The following AIG1 variants were observed in gnomAD, a reference collection of about 807,000 sequenced individuals.
AIG1 encodes androgen induced 1.
AIG1 carries 23 observed loss-of-function variants against 31.4 expected under a neutral mutation model. The ratio of observed to expected loss-of-function variants is 0.73; its 90% confidence interval spans 0.53 to 1.04. The LOEUF (loss-of-function observed/expected upper bound fraction) is 1.04. Ranked by LOEUF, AIG1 falls within the 50% of genes least tolerant of loss-of-function variation. AIG1 has a pLI of 0.00. For synonymous variants in AIG1, 100 were observed against 110.5 expected (o/e 0.90, Z 0.60); for missense variants, 274 against 295.0 (o/e 0.93, Z 0.52).
chr6:143,236,272 C>T (rs1047791116), intron 3 of AIG1, among the ~76,000 whole-genome samples: 3 of 152,182 alleles, frequency 2.0e-5, no homozygotes, highest in African/African-American at 7.2e-5. Flanking sequence ...TGTGTCTGTC[C>T]GGCTCAGCCC....
At position 143,293,424 on chromosome 6, in the gene AIG1, C is replaced by T. The variant is rs886289855; in HGVS notation, c.515+9199C>T. On this transcript the variant is annotated intron_variant, in intron 4 of 5. Transcript: ENST00000357847. The surrounding 1 kb of genome is among the most constrained non-coding windows in gnomAD (Gnocchi z 4.8). Reference sequence around the variant, plus strand: ...ATTGCTTTCCCATTATTCCAATCTGCGTATTTTTACAAGCACTGTGCTGAG... The same window carrying T: ...ATTGCTTTCCCATTATTCCAATCTGTGTATTTTTACAAGCACTGTGCTGAG... 3.3e-5 allele frequency among the ~76,000 whole-genome samples: 5 copies of T among 152,118 alleles called. No individual in the cohort carries two copies. Among genetic ancestry groups the T allele is most frequent in the African/African-American group, 7.2e-5 (3 of 41,410 alleles).
intron 3 of AIG1, among the ~76,000 whole-genome samples, chr6:143,241,325 A>G (rs1794223888): frequency 6.6e-6 from 1 of 152,206 alleles, no homozygotes; most frequent in African/African-American, 2.4e-5. Context: ...AGACTGAACC[A>G]TTTTAGACTT....
At position 143,298,599 on chromosome 6, in the gene AIG1, C is replaced by T. The variant is rs1387636647; in HGVS notation, c.515+14374C>T. Among the ~76,000 whole-genome samples the T allele has an allele frequency of 6.6e-6, 1 of 152,058 alleles. No individual in the cohort carries two copies. The highest frequency in any genetic ancestry group is 2.4e-5 in the African/African-American group (1 of 41,384). On this transcript the variant is annotated intron_variant, in intron 4 of 5. Transcript: ENST00000357847. This position sits in a 1 kb window ranked among gnomAD's most constrained non-coding sequence, Gnocchi z 5.1. The stretch of plus-strand genomic sequence containing the variant: ...CCCTAGTCAGGAGGCTCACCTAGGC[C>T]CAGGAGTTCAAAACCCAGCCTGGAC...
At chr6:143,111,814 T>C (rs1279796325) in intron 1 of AIG1, among the ~76,000 whole-genome samples, 1 of 152,206 alleles carries the variant, frequency 6.6e-6, no homozygotes, top group Non-Finnish European at 1.5e-5. Context: ...CCATGTCTAG[T>C]GAAAACATCC....
At chr6:143,095,459 T>C (rs1262687082) in intron 1 of AIG1, among the ~76,000 whole-genome samples, 1 of 152,132 alleles carries the variant, frequency 6.6e-6, no homozygotes, top group Non-Finnish European at 1.5e-5. Flanking sequence ...TAAGTAGCCA[T>C]GCAAGAAAAA....
At chr6:143,306,659 G>A (rs1419150639) in intron 4 of AIG1, among the ~76,000 whole-genome samples, 1 of 151,930 alleles carries the variant, frequency 6.6e-6, no homozygotes, top group African/African-American at 2.4e-5. Context: ...CAACTTTGGT[G>A]AATCTGACAA....
At position 143,299,459 on chromosome 6, in the gene AIG1, G is replaced by A. The variant is rs1798677048; in HGVS notation, c.515+15234G>A. On this transcript the variant is annotated intron_variant, in intron 4 of 5. Coordinates refer to ENST00000357847, the MANE Select transcript of AIG1 (RefSeq NM_016108.4). This position sits in a 1 kb window ranked among gnomAD's most constrained non-coding sequence, Gnocchi z 4.1. ...TTACAGGAACAGCATGGCTGGAATAGCAGTACACATAGCTGGGCTACTGAA... is the reference window on the plus strand; with the variant it reads ...TTACAGGAACAGCATGGCTGGAATAACAGTACACATAGCTGGGCTACTGAA... 1 of 152,172 alleles carries A rather than the reference G, an allele frequency of 6.6e-6. No individual in the cohort carries two copies. Among genetic ancestry groups the A allele is most frequent in the Non-Finnish European group, 1.5e-5 (1 of 68,042 alleles). 9.4% of individuals were successfully genotyped at this position (152,172 alleles called of 1,614,324 possible).
intron 3 of AIG1, among the ~76,000 whole-genome samples, chr6:143,283,880 C>T (rs1797512257): frequency 6.6e-6 from 1 of 152,100 alleles, no homozygotes; most frequent in African/African-American, 2.4e-5. Context: ...CTGTAATGGG[C>T]ATAAAATACA....
At chr6:143,190,121 A>G (rs1016372649) in intron 3 of AIG1, 20 of 941,142 alleles carry the variant, frequency 2.1e-5, no homozygotes, top group Non-Finnish European at 2.4e-5. Context: ...TCCTAATGCT[A>G]TAACCTTAGA....
intron 3 of AIG1, among the ~76,000 whole-genome samples, chr6:143,212,079 G>T (rs1055496108): frequency 1.3e-5 from 2 of 152,034 alleles, no homozygotes; most frequent in Non-Finnish European, 2.9e-5. Context: ...AGAATGTTTA[G>T]CAACATCCCT....
intron 3 of AIG1, chr6:143,187,792 G>A: frequency 6.7e-7 from 1 of 1,503,060 alleles, no homozygotes; most frequent in African/African-American, 1.4e-5. Flanking sequence ...TGACCTTGAA[G>A]CGAAGTTTTG....
chr6:143,079,206 T>C (rs1777993831), intron 1 of AIG1, among the ~76,000 whole-genome samples: 1 of 152,152 alleles, frequency 6.6e-6, no homozygotes, highest in African/African-American at 2.4e-5. Flanking sequence ...CTTGGGGTTT[T>C]AGGTACTCAT....
At chr6:143,315,234 G>A (rs559361549) in intron 4 of AIG1, among the ~76,000 whole-genome samples, 7 of 152,160 alleles carry the variant, frequency 4.6e-5, no homozygotes, top group South Asian at 4.2e-4. Context: ...AAGCACTGCC[G>A]GCAAGTATTC....
chr6:143,175,111 A>T (rs1332113079), intron 3 of AIG1, among the ~76,000 whole-genome samples: 1 of 152,138 alleles, frequency 6.6e-6, no homozygotes, highest in African/African-American at 2.4e-5. Context: ...TAATTGTGTT[A>T]AGGAGGCTAA....
intron 1 of AIG1, chr6:143,126,373 G>A (rs1417852017): frequency 6.6e-6 from 1 of 152,220 alleles, no homozygotes; most frequent in Non-Finnish European, 1.5e-5. Flanking sequence ...GGCAAGGAAA[G>A]CAGTGAAAAC....
At chr6:143,060,287 C>T (rs116864742), upstream of AIG1, among the ~76,000 whole-genome samples, 2 of 152,200 alleles carry the variant, frequency 1.3e-5, no homozygotes, top group Admixed American at 6.5e-5. Flanking sequence ...ACCTTATTGC[C>T]CCAAAATACT....
intron 1 of AIG1, among the ~76,000 whole-genome samples, chr6:143,133,362 T>C (rs1419032862): frequency 1.3e-5 from 2 of 152,084 alleles, no homozygotes; most frequent in African/African-American, 4.8e-5. Context: ...ATAAGGCCTC[T>C]TCTATGTGAT....
At chr6:143,233,535 G>C (rs1793600195) in intron 3 of AIG1, among the ~76,000 whole-genome samples, 1 of 146,114 alleles carries the variant, frequency 6.8e-6, no homozygotes, top group South Asian at 2.2e-4. Flanking sequence ...AGTAGGTTCA[G>C]AGAGACTCTG....
intron 3 of AIG1, among the ~76,000 whole-genome samples, chr6:143,181,522 G>C (rs1176934567): frequency 6.6e-6 from 1 of 152,188 alleles, no homozygotes; most frequent in South Asian, 2.1e-4. Flanking sequence ...AGATTTTGCA[G>C]ATTTAAATTT....
Sources: allele counts gnomAD v4.1 joint callset (sites outside exome capture counted in the v4.1 genomes callset), GRCh38; gene constraint gnomAD v4.1.1; non-coding constraint Gnocchi (gnomAD v3.1); transcripts MANE v1.5; gene names NCBI Gene and HGNC (gene_info 2026-07-23, HGNC 2026-07-21).